PIEZO2: variants seen among roughly 807,000 people sequenced by gnomAD.
PIEZO2 encodes the protein piezo-type mechanosensitive ion channel component 2.
PIEZO2 carries 172 observed loss-of-function variants against 337.3 expected under a neutral mutation model. That is an observed-to-expected ratio of 0.51 (90% CI 0.45 to 0.58). The LOEUF is 0.58. PIEZO2 is among the 20% of genes least tolerant of loss of function. The pLI is 0.00. For missense variants in PIEZO2, 3,028 were observed against 3,391.3 expected (o/e 0.89, Z 2.66); for synonymous variants, 1,251 against 1,228.5 (o/e 1.02, Z -0.38).
At position 10,969,910 on chromosome 18, in the gene PIEZO2, C is replaced by CT. The variant is rs1491300532; in HGVS notation, c.286+9624dup. Among the ~76,000 whole-genome samples the CT allele has an allele frequency of 7.9e-5, 12 of 151,890 alleles. No individual in the cohort carries two copies. Among genetic ancestry groups the CT allele is most frequent in the African/African-American group, 2.2e-4 (9 of 41,430 alleles). ...TGTCTTTGCCATACCTTTATTTCTC[C>CT]TTTTTTTGGCTGCTATTAATTCATT... On this transcript the variant is annotated intron_variant, in intron 3 of 55. Coordinates refer to ENST00000674853, the MANE Select transcript of PIEZO2 (RefSeq NM_001378183.1). This position sits in a 1 kb window ranked among gnomAD's most constrained non-coding sequence, Gnocchi z 4.5.
At position 10,952,838 on chromosome 18, in the gene PIEZO2, A is replaced by G. The variant is rs1237570013; in HGVS notation, c.286+26697T>C. 6.6e-6 allele frequency among the ~76,000 whole-genome samples: 1 copy of G among 152,006 alleles called. No individual in the cohort carries two copies. Among genetic ancestry groups the G allele is most frequent in the Admixed American group, 6.6e-5 (1 of 15,250 alleles). On this transcript the variant is annotated intron_variant, in intron 3 of 55. Coordinates refer to ENST00000674853, the MANE Select transcript of PIEZO2 (RefSeq NM_001378183.1). This position sits in a 1 kb window ranked among gnomAD's most constrained non-coding sequence, Gnocchi z 4.1. ...TGAATTCCAAGTGTTCTACATCTCC[A>G]TATTTCCTCAGCATTTGGAATGCCT...
At chr18:10,757,583 G>A (rs1176226392) in intron 27 of PIEZO2, among the ~76,000 whole-genome samples, 3 of 150,224 alleles carry the variant, frequency 2.0e-5, no homozygotes, top group African/African-American at 7.4e-5. Context: ...GATGAGGGAT[G>A]AAAGATAAGG....
chr18:10,743,652 G>A (rs1225286360), intron 31 of PIEZO2, among the ~76,000 whole-genome samples: 1 of 152,106 alleles, frequency 6.6e-6, no homozygotes, highest in Non-Finnish European at 1.5e-5. Context: ...GAGACTGGAT[G>A]ATATTATCTA....
chr18:10,790,841 A>C (rs373326047), intron 14 of PIEZO2, among the ~76,000 whole-genome samples: 28 of 151,668 alleles, frequency 1.8e-4, no homozygotes, highest in Non-Finnish European at 2.8e-4. Flanking sequence ...AGTAGCTGGG[A>C]CTACAGGCGC....
At chr18:10,865,783 G>A (rs1447194327) in intron 5 of PIEZO2, among the ~76,000 whole-genome samples, 1 of 152,152 alleles carries the variant, frequency 6.6e-6, no homozygotes, top group Non-Finnish European at 1.5e-5. Flanking sequence ...CTTGAGTGAT[G>A]CAGGTTCTCT....
chr18:11,136,467 C>T (rs1192809009), intron 1 of PIEZO2, among the ~76,000 whole-genome samples: 1 of 152,248 alleles, frequency 6.6e-6, no homozygotes, highest in African/African-American at 2.4e-5. Context: ...AGGCTGTGTG[C>T]TATAGCAGCC....
In PIEZO2 at chr18:10,773,315, G is replaced by A; in HGVS notation, c.2785+97C>T. 2 of 1,237,976 alleles carry A rather than the reference G, an allele frequency of 1.6e-6. No homozygotes were observed. The highest frequency in any genetic ancestry group is 4.1e-5 in the Admixed American group (2 of 48,664). 76.7% of individuals were successfully genotyped at this position (1,237,976 alleles called of 1,614,324 possible). Reference sequence around the variant, plus strand: ...CACTCCAATTTTTATGTCATGGACTGGGTCAAATATATATTCTTTTGGAGC... The same window carrying A: ...CACTCCAATTTTTATGTCATGGACTAGGTCAAATATATATTCTTTTGGAGC... On this transcript the variant is annotated intron_variant, in intron 20 of 55. Coordinates refer to ENST00000674853, the MANE Select transcript of PIEZO2 (RefSeq NM_001378183.1). The surrounding 1 kb of genome is among the most constrained non-coding windows in gnomAD (Gnocchi z 5.3).
At chr18:10,745,260 G>T (rs74755212) in intron 30 of PIEZO2, among the ~76,000 whole-genome samples, 2,541 of 152,176 alleles carry the variant, frequency 0.017, 68 homozygotes, top group African/African-American at 0.059. Context: ...CGAAATTCCT[G>T]CTTCTTCCTC....
chr18:10,908,733 A>G (rs976330656), intron 4 of PIEZO2: 1 of 152,240 alleles, frequency 6.6e-6, no homozygotes, highest in African/African-American at 2.4e-5. Flanking sequence ...AAGGCCCTCA[A>G]TGGACCCATA....
chr18:10,706,295 C>T (rs2035583603), intron 40 of PIEZO2, among the ~76,000 whole-genome samples: 1 of 152,172 alleles, frequency 6.6e-6, no homozygotes. Context: ...AAAAATGCCA[C>T]CCTTCTTTCA....
chr18:10,926,212 C>T lies in PIEZO2; in HGVS notation c.287-14984G>A, dbSNP rs575487144. ...AGGGGCATTCCTGGCTGACCACTGC[C>T]GGGGGAGACCGGGTGTGCTGGAGGC... is the stretch of plus-strand genomic sequence containing the variant. On this transcript the variant is annotated intron_variant, in intron 3 of 55. Transcript: ENST00000674853. 2.4e-4 allele frequency among the ~76,000 whole-genome samples: 36 copies of T among 152,262 alleles called. No individual in the cohort carries two copies. The South Asian group carries it at 5.6e-3, about 24-fold the overall frequency.
intron 2 of PIEZO2, among the ~76,000 whole-genome samples, chr18:11,014,794 C>T (rs1212930880): frequency 6.8e-6 from 1 of 147,312 alleles, no homozygotes; most frequent in African/African-American, 2.5e-5. Flanking sequence ...GAACATGTCA[C>T]CCTGGGTGGG....
chr18:10,931,713 TGAGAGAGAGAGAGA>T (rs10603024), intron 3 of PIEZO2, among the ~76,000 whole-genome samples: 1 of 147,862 alleles, frequency 6.8e-6, no homozygotes. Context: ...TGTGTGTGTG[TGAGAGAGAGAGAGA>T]GAGAGAGAGA....
Position 10,828,116 on chromosome 18 carries a change from G to GT in PIEZO2, c.918-20843dup, listed in dbSNP as rs1228160526. Among the ~76,000 whole-genome samples the GT allele has an allele frequency of 1.7e-3, 215 of 128,428 alleles. 2 individuals carry two copies. Among genetic ancestry groups the GT allele is most frequent in the African/African-American group, 6.2e-3 (185 of 29,838 alleles). 84.3% of individuals were successfully genotyped at this position (128,428 alleles called of 152,430 possible). ...TAGACAAGCTCGAAATAGCATGACGGTTTTTTTTTGTTTGTTTGTTTTTGT... is the reference window on the plus strand; with the variant it reads ...TAGACAAGCTCGAAATAGCATGACGGTTTTTTTTTTGTTTGTTTGTTTTTGT... On this transcript the variant is annotated intron_variant, in intron 7 of 55. Coordinates refer to ENST00000674853, the MANE Select transcript of PIEZO2 (RefSeq NM_001378183.1). The surrounding 1 kb of genome is among the most constrained non-coding windows in gnomAD (Gnocchi z 4.1).
In PIEZO2 at chr18:10,758,973, C is replaced by T. The variant is rs538738664; in HGVS notation, c.3757+509G>A. On this transcript the variant is annotated intron_variant, in intron 26 of 55. Transcript: ENST00000674853. The stretch of plus-strand genomic sequence containing the variant: ...AGTCATTTGCATTTTCTGTAAAACC[C>T]AGCACTCTGGTCTTGGAGGAGCTGC... Among the ~76,000 whole-genome samples, 4 of 152,262 alleles carry T rather than the reference C, an allele frequency of 2.6e-5. 1 individual carries two copies. In the South Asian group the frequency reaches 8.3e-4, roughly 32 times the overall value.
At chr18:10,690,111 GAGA>G (rs1567951300) in intron 48 of PIEZO2, among the ~76,000 whole-genome samples, 121 of 77,518 alleles carry the variant, frequency 1.6e-3, no homozygotes, top group East Asian at 3.6e-3. Context: ...TTCATGTTAC[GAGA>G]CCCTTGGCCA....
chr18:10,874,508 C>A lies in PIEZO2; in HGVS notation c.330-3093G>T, dbSNP rs555034358. Among the ~76,000 whole-genome samples the A allele has an allele frequency of 1.1e-4, 16 of 152,218 alleles. No individual in the cohort carries two copies. In the South Asian group the frequency reaches 2.3e-3, roughly 22 times the overall value. ...AATTAGTATATCTAAGAGATATCTG[C>A]ACTTCTATATTTACTGCGGCACTAT... On this transcript the variant is annotated intron_variant, in intron 4 of 55. Transcript: ENST00000674853.
At chr18:10,754,199 A>T (rs1384124296) in intron 27 of PIEZO2, among the ~76,000 whole-genome samples, 1 of 152,264 alleles carries the variant, frequency 6.6e-6, no homozygotes, top group African/African-American at 2.4e-5. Context: ...CATGGAAAAC[A>T]TTGATAAATA....
intron 45 of PIEZO2, among the ~76,000 whole-genome samples, chr18:10,697,028 G>A (rs1207554040): frequency 6.6e-6 from 1 of 152,166 alleles, no homozygotes; most frequent in African/African-American, 2.4e-5. Flanking sequence ...GCGTTTGAAT[G>A]TGCAACGCCC....
Sources: allele counts gnomAD v4.1 joint callset (sites outside exome capture counted in the v4.1 genomes callset), GRCh38; gene constraint gnomAD v4.1.1; non-coding constraint Gnocchi (gnomAD v3.1); transcripts MANE v1.5; gene names NCBI Gene and HGNC (gene_info 2026-07-23, HGNC 2026-07-21).